CLSTN2: variants seen among roughly 807,000 people sequenced by gnomAD.
CLSTN2 encodes calsyntenin-2.
Under a neutral mutation model 101.2 loss-of-function variants are expected in CLSTN2, and 48 were observed. The ratio of observed to expected loss-of-function variants is 0.47; its 90% CI spans 0.38 to 0.60. The LOEUF is 0.60. Among genes scored for constraint, CLSTN2 ranks in the 20% least tolerant of loss-of-function variants. The pLI is 0.00. For synonymous variants in CLSTN2, 481 were observed against 463.6 expected (o/e 1.04, Z -0.48); for missense variants, 1,160 against 1,238.2 (o/e 0.94, Z 0.95).
At chr3:140,380,889 G>C (rs1169228672) in intron 2 of CLSTN2, among the ~76,000 whole-genome samples, 1 of 152,212 alleles carries the variant, frequency 6.6e-6, no homozygotes, top group Non-Finnish European at 1.5e-5. Context: ...AATTGAAGAA[G>C]TGTAGTTGTG....
chr3:140,395,909 T>A (rs2088177572), intron 2 of CLSTN2, among the ~76,000 whole-genome samples: 1 of 152,148 alleles, frequency 6.6e-6, no homozygotes, highest in African/African-American at 2.4e-5. Flanking sequence ...CCATAATCTG[T>A]CTGGAGGGAC....
chr3:140,395,477 C>T (rs1318223293), intron 2 of CLSTN2, among the ~76,000 whole-genome samples: 1 of 152,150 alleles, frequency 6.6e-6, no homozygotes, highest in South Asian at 2.1e-4. Flanking sequence ...TGAGAACCAC[C>T]CAAGGTCACA....
At chr3:140,166,480 A>C (rs1226247269) in intron 1 of CLSTN2, among the ~76,000 whole-genome samples, 1 of 152,210 alleles carries the variant, frequency 6.6e-6, no homozygotes, top group Non-Finnish European at 1.5e-5. Flanking sequence ...TGGAGTTTTA[A>C]AGATCCAGGG....
At chr3:140,081,507 T>C (rs2008598929) in intron 1 of CLSTN2, among the ~76,000 whole-genome samples, 1 of 152,184 alleles carries the variant, frequency 6.6e-6, no homozygotes, top group South Asian at 2.1e-4. Context: ...AGACGTTTAT[T>C]TTATTTAGTA....
intron 1 of CLSTN2, among the ~76,000 whole-genome samples, chr3:140,013,503 T>G (rs1307247256): frequency 5.3e-5 from 8 of 152,196 alleles, no homozygotes; most frequent in Non-Finnish European, 7.3e-5. Flanking sequence ...GTGGGTGATA[T>G]GGAAATAAGG....
intron 1 of CLSTN2, among the ~76,000 whole-genome samples, chr3:140,103,449 C>T (rs1251263593): frequency 6.6e-6 from 1 of 152,200 alleles, no homozygotes; most frequent in Admixed American, 6.5e-5. Context: ...CCCACGACTG[C>T]CATAGTGCCT....
intron 10 of CLSTN2, among the ~76,000 whole-genome samples, chr3:140,550,394 T>C (rs1935680353): frequency 6.6e-6 from 1 of 151,016 alleles, no homozygotes; most frequent in Admixed American, 6.6e-5. Context: ...ACACACAGAG[T>C]TGCTCTCAAT....
intron 2 of CLSTN2, among the ~76,000 whole-genome samples, chr3:140,203,705 A>G (rs2010747663): frequency 6.6e-6 from 1 of 151,958 alleles, no homozygotes; most frequent in African/African-American, 2.4e-5. Context: ...GACAGCTTTA[A>G]TGGACTTAGC....
At chr3:140,061,609 G>A (rs908694311) in intron 1 of CLSTN2, among the ~76,000 whole-genome samples, 1 of 152,188 alleles carries the variant, frequency 6.6e-6, no homozygotes, top group African/African-American at 2.4e-5. Context: ...CCAAGAATAC[G>A]ATAGAAGTTA....
intron 8 of CLSTN2, among the ~76,000 whole-genome samples, chr3:140,524,776 GA>G (rs1386235578): frequency 6.6e-6 from 1 of 152,118 alleles, no homozygotes; most frequent in Non-Finnish European, 1.5e-5. Flanking sequence ...AGCAAAAATA[GA>G]AATCAATACC....
At chr3:140,553,955 T>C (rs1276891402) in intron 10 of CLSTN2, among the ~76,000 whole-genome samples, 5 of 152,038 alleles carry the variant, frequency 3.3e-5, no homozygotes, top group Non-Finnish European at 5.9e-5. Flanking sequence ...CAGGAGATGA[T>C]AGTGAGTAAA....
At chr3:140,461,673 A>G (rs947091608) in intron 7 of CLSTN2, among the ~76,000 whole-genome samples, 1 of 152,128 alleles carries the variant, frequency 6.6e-6, no homozygotes, top group African/African-American at 2.4e-5. Flanking sequence ...AAAAATGTGT[A>G]GATGCTAGAG....
chr3:140,365,845 G>T (rs2087782027), intron 2 of CLSTN2, among the ~76,000 whole-genome samples: 1 of 152,230 alleles, frequency 6.6e-6, no homozygotes, highest in African/African-American at 2.4e-5. Context: ...TCACAAAGCT[G>T]CTGGGAAACA....
chr3:140,145,917 C>G (rs2009774146), intron 1 of CLSTN2, among the ~76,000 whole-genome samples: 1 of 152,238 alleles, frequency 6.6e-6, no homozygotes, highest in African/African-American at 2.4e-5. Context: ...AGTGAGACTG[C>G]CTGGCCTCTG....
chr3:140,426,990 C>T (rs916805578), intron 5 of CLSTN2, among the ~76,000 whole-genome samples: 33 of 151,766 alleles, frequency 2.2e-4, no homozygotes, highest in Admixed American at 7.2e-4. Context: ...GCCTGGCCAA[C>T]ATGGCGAATC....
At chr3:140,473,733 G>T (rs192431881) in intron 8 of CLSTN2, among the ~76,000 whole-genome samples, 12 of 101,166 alleles carry the variant, frequency 1.2e-4, no homozygotes, top group Non-Finnish European at 1.9e-4. Flanking sequence ...AAATCTATGG[G>T]GGTTTTTTGT....
intron 2 of CLSTN2, among the ~76,000 whole-genome samples, chr3:140,342,641 A>G (rs958648568): frequency 6.6e-6 from 1 of 152,170 alleles, no homozygotes; most frequent in Non-Finnish European, 1.5e-5. Flanking sequence ...GGACTTTAGA[A>G]GAAACACAGC....
chr3:140,427,195 A>G (rs1476020932), intron 5 of CLSTN2, among the ~76,000 whole-genome samples: 2 of 88,844 alleles, frequency 2.3e-5, no homozygotes, highest in East Asian at 8.5e-4. Context: ...ATATATATAT[A>G]TATATATATG....
At chr3:139,986,515 C>G (rs1936023228) in intron 1 of CLSTN2, among the ~76,000 whole-genome samples, 1 of 152,096 alleles carries the variant, frequency 6.6e-6, no homozygotes, top group Non-Finnish European at 1.5e-5. Flanking sequence ...TCAGTGCAAC[C>G]CTTCTGCCCT....
Sources: allele counts gnomAD v4.1 joint callset (sites outside exome capture counted in the v4.1 genomes callset), GRCh38; gene constraint gnomAD v4.1.1; transcripts MANE v1.5; gene names NCBI Gene and HGNC (gene_info 2026-07-23, HGNC 2026-07-21).